The following PLXDC2 variants were observed in gnomAD, a reference collection of about 807,000 sequenced individuals.
PLXDC2 encodes the protein plexin domain-containing protein 2.
A neutral mutation model predicts 68.9 loss-of-function variants in PLXDC2; 40 were observed. The ratio of observed to expected loss-of-function variants is 0.58; its 90% CI spans 0.45 to 0.76. The LOEUF (loss-of-function observed/expected upper bound fraction) is 0.76. PLXDC2 is among the 30% of genes least tolerant of loss of function. PLXDC2 has a pLI of 0.00. For missense variants in PLXDC2, 644 were observed against 661.9 expected, an observed-to-expected ratio of 0.97 and a Z score of 0.30; for synonymous variants, 243 against 234.2, an observed-to-expected ratio of 1.04 and a Z score of -0.34.
rs141441881 is a variant in PLXDC2, at chr10:20,096,770, A to G, written c.541+28531A>G. Among the ~76,000 whole-genome samples the G allele has an allele frequency of 4.6e-5, 7 of 152,248 alleles. No homozygotes were observed. In the East Asian group the frequency reaches 1.4e-3, roughly 29 times the overall value. ...TGAGATATATTTTGTTTTAATCTTG[A>G]AACTTGAAAATCCAAGCAGATTTAT... On this transcript the variant is annotated intron_variant, in intron 4 of 13. Coordinates refer to ENST00000377252, the MANE Select transcript of PLXDC2 (RefSeq NM_032812.9).
chr10:19,904,708 A>G (rs73601637), intron 1 of PLXDC2, among the ~76,000 whole-genome samples: 8,843 of 152,244 alleles, frequency 0.058, 543 homozygotes, highest in African/African-American at 0.16. Flanking sequence ...AAAGTTCATG[A>G]TATGAGTTTT....
intron 4 of PLXDC2, among the ~76,000 whole-genome samples, chr10:20,142,771 C>T (rs919852299): frequency 2.0e-5 from 3 of 151,668 alleles, no homozygotes; most frequent in Non-Finnish European, 2.9e-5. Context: ...AAAACGTCAC[C>T]ATGGGTGTTT....
chr10:19,872,076 G>A (rs892731048), intron 1 of PLXDC2, among the ~76,000 whole-genome samples: 1 of 152,110 alleles, frequency 6.6e-6, no homozygotes, highest in South Asian at 2.1e-4. Context: ...TTCAGGGTGA[G>A]TAGGCTGCAA....
In PLXDC2 at chr10:20,287,989, G is replaced by GGGGGGCGGA; in HGVS notation, c.*8175_*8176insCGGAGGGGG. On this transcript the variant is annotated 3_prime_UTR_variant, in exon 14 of 14. Coordinates refer to ENST00000377252, the MANE Select transcript of PLXDC2 (RefSeq NM_032812.9). ...GGGCACTTCTTGCGGCGGGGGAGGG[G>GGGGGGCGGA]GGGGGGGCGGTGGCTTTCCAGATTT... is the stretch of plus-strand genomic sequence containing the variant. 2.3e-4 allele frequency: 1 copy of GGGGGGCGGA among 4,306 alleles called. No homozygotes were observed. The highest frequency in any genetic ancestry group is 4.5e-4 in the African/African-American group (1 of 2,234). 0.3% of individuals were successfully genotyped at this position (4,306 alleles called of 1,614,324 possible).
intron 7 of PLXDC2, among the ~76,000 whole-genome samples, chr10:20,167,926 A>C (rs1040093558): frequency 6.6e-6 from 1 of 152,162 alleles, no homozygotes; most frequent in African/African-American, 2.4e-5. Context: ...CATCAACAAC[A>C]AAACACTTGT....
chr10:20,115,750 A>C (rs1455141661), intron 4 of PLXDC2, among the ~76,000 whole-genome samples: 1 of 152,222 alleles, frequency 6.6e-6, no homozygotes, highest in Non-Finnish European at 1.5e-5. Context: ...AATTTTAAAA[A>C]GTATTATTTT....
chr10:19,831,389 G>T (rs908391368), intron 1 of PLXDC2, among the ~76,000 whole-genome samples: 6 of 151,950 alleles, frequency 3.9e-5, no homozygotes, highest in Non-Finnish European at 8.8e-5. Flanking sequence ...GAACTTTCTA[G>T]GCAGTGGGAA....
chr10:20,167,619 G>A (rs889421321), intron 7 of PLXDC2, among the ~76,000 whole-genome samples: 1 of 152,098 alleles, frequency 6.6e-6, no homozygotes, highest in Non-Finnish European at 1.5e-5. Context: ...GTAGTGAGTA[G>A]TTTCATTTCT....
intron 4 of PLXDC2, among the ~76,000 whole-genome samples, chr10:20,098,349 GTGTGTGTA>G (rs1171333159): frequency 0.015 from 1,817 of 125,064 alleles, 42 homozygotes; most frequent in African/African-American, 0.054. Flanking sequence ...TTTCGTGCGT[GTGTGTGTA>G]TGTGTGTGTG....
chr10:19,888,499 G>T (rs1340530001), intron 1 of PLXDC2, among the ~76,000 whole-genome samples: 1 of 152,102 alleles, frequency 6.6e-6, no homozygotes, highest in East Asian at 1.9e-4. Flanking sequence ...GAGAGGGGTG[G>T]CCTGAGGAGT....
At chr10:19,896,861 A>G (rs181875238) in intron 1 of PLXDC2, among the ~76,000 whole-genome samples, 18 of 152,226 alleles carry the variant, frequency 1.2e-4, no homozygotes, top group Admixed American at 1.1e-3. Context: ...ATTTTGTTAC[A>G]TGGTAGCCTC....
chr10:19,987,984 C>A (rs1415266204), intron 1 of PLXDC2, among the ~76,000 whole-genome samples: 1 of 152,044 alleles, frequency 6.6e-6, no homozygotes, highest in East Asian at 1.9e-4. Flanking sequence ...TTTCCCCTAC[C>A]CATCTTGTTT....
intron 2 of PLXDC2, among the ~76,000 whole-genome samples, chr10:20,018,583 G>A (rs1835251427): frequency 6.6e-6 from 1 of 152,136 alleles, no homozygotes; most frequent in South Asian, 2.1e-4. Flanking sequence ...CTGCTTATAA[G>A]CGGTTTACTA....
intron 4 of PLXDC2, among the ~76,000 whole-genome samples, chr10:20,069,706 C>T (rs1028148853): frequency 4.6e-5 from 7 of 152,054 alleles, no homozygotes; most frequent in Non-Finnish European, 1.0e-4. Flanking sequence ...TGGCATGCAT[C>T]TGTAGTCTCA....
Position 20,147,497 on chromosome 10 carries a change from T to C in PLXDC2, c.665-287T>C, listed in dbSNP as rs562848600. ...TGGAAATTTAAGCAGACAGTATCTATTAACATTAATAAAATTCCTAAGGCA... is the reference window on the plus strand; with the variant it reads ...TGGAAATTTAAGCAGACAGTATCTACTAACATTAATAAAATTCCTAAGGCA... On this transcript the variant is annotated intron_variant, in intron 5 of 13. Coordinates refer to ENST00000377252, the MANE Select transcript of PLXDC2 (RefSeq NM_032812.9). 2.0e-3 allele frequency among the ~76,000 whole-genome samples: 305 copies of C among 152,302 alleles called. 1 individual carries two copies. Among genetic ancestry groups the C allele is most frequent in the Non-Finnish European group, 3.5e-3 (235 of 68,018 alleles).
At chr10:20,142,153 A>G (rs1025241413) in intron 4 of PLXDC2, among the ~76,000 whole-genome samples, 12 of 152,266 alleles carry the variant, frequency 7.9e-5, no homozygotes, top group African/African-American at 2.9e-4. Context: ...TGCCAATGAA[A>G]TATTTATTCA....
intron 4 of PLXDC2, among the ~76,000 whole-genome samples, chr10:20,126,232 CGTTGTATAATACATATAT>C (rs1202295983): frequency 6.9e-6 from 1 of 145,314 alleles, no homozygotes; most frequent in Non-Finnish European, 1.5e-5. Flanking sequence ...AATACATATA[CGTTGTATAATACATATAT>C]ACATATACGT....
chr10:20,096,232 C>G (rs185046398), intron 4 of PLXDC2, among the ~76,000 whole-genome samples: 5 of 152,214 alleles, frequency 3.3e-5, no homozygotes, highest in Admixed American at 1.3e-4. Flanking sequence ...TCTCTGTGCA[C>G]GTTTCAGTTT....
chr10:20,137,907 T>G (rs1589648389), intron 4 of PLXDC2, among the ~76,000 whole-genome samples: 1 of 152,142 alleles, frequency 6.6e-6, no homozygotes, highest in Non-Finnish European at 1.5e-5. Context: ...TGAGTGTGGG[T>G]GTATGTGGGA....
Sources: gnomAD v4.1 joint callset for allele counts (sites outside exome capture counted in the v4.1 genomes callset) on GRCh38, gnomAD v4.1.1 for gene constraint, MANE v1.5 for transcripts, NCBI Gene and HGNC (gene_info 2026-07-23, HGNC 2026-07-21) for gene names.